Variants in PTPRD observed in about 807,000 individuals in gnomAD.
The protein encoded by PTPRD is receptor-type tyrosine-protein phosphatase delta.
Under a neutral mutation model 214.5 loss-of-function variants are expected in PTPRD, and 34 were observed. The ratio of observed to expected loss-of-function variants is 0.16; its 90% CI spans 0.12 to 0.21. PTPRD has a LOEUF of 0.21. Among genes scored for constraint, PTPRD ranks in the 10% least tolerant of loss-of-function variants. The pLI, the probability that PTPRD is intolerant of heterozygous loss-of-function variation, is 1.00. For missense variants in PTPRD, 2,545 were observed against 2,398.7 expected (o/e 1.06, Z -1.27); for synonymous variants, 1,128 against 845.7 (o/e 1.33, Z -5.79).
At chr9:9,913,485 T>G (rs781441460) in intron 5 of PTPRD, among the ~76,000 whole-genome samples, 5 of 151,920 alleles carry the variant, frequency 3.3e-5, no homozygotes, top group African/African-American at 9.7e-5. Context: ...AAGGACCAAG[T>G]TAATGAATAA....
chr9:8,766,063 T>C (rs2094715662), intron 11 of PTPRD, among the ~76,000 whole-genome samples: 2 of 151,874 alleles, frequency 1.3e-5, no homozygotes, highest in African/African-American at 2.4e-5. Flanking sequence ...TCTTGGTGGA[T>C]AGTCATTGGT....
chr9:9,616,618 G>C (rs1419186391), intron 7 of PTPRD, among the ~76,000 whole-genome samples: 1 of 152,020 alleles, frequency 6.6e-6, no homozygotes, highest in East Asian at 1.9e-4. Flanking sequence ...AGTTTTAAGA[G>C]ACCCCAAAAC....
intron 7 of PTPRD, among the ~76,000 whole-genome samples, chr9:9,622,140 G>C (rs2095264635): frequency 6.6e-6 from 1 of 152,144 alleles, no homozygotes; most frequent in Non-Finnish European, 1.5e-5. Flanking sequence ...TTATCAGATA[G>C]GCAATAAAAA....
At chr9:9,735,705 T>C (rs775553475) in intron 6 of PTPRD, among the ~76,000 whole-genome samples, 1 of 152,100 alleles carries the variant, frequency 6.6e-6, no homozygotes, top group Non-Finnish European at 1.5e-5. Context: ...TGTCATATTA[T>C]TAGAGACCTT....
At chr9:9,657,504 G>C (rs1456145283) in intron 7 of PTPRD, among the ~76,000 whole-genome samples, 1 of 152,140 alleles carries the variant, frequency 6.6e-6, no homozygotes, top group African/African-American at 2.4e-5. Flanking sequence ...TAATGTAAAT[G>C]ACGAGTTGAT....
At chr9:8,537,850 C>A (rs961786430) in intron 14 of PTPRD, among the ~76,000 whole-genome samples, 2 of 152,010 alleles carry the variant, frequency 1.3e-5, no homozygotes, top group Admixed American at 1.3e-4. Flanking sequence ...AGAACATAAA[C>A]CCCAGTTAGA....
chr9:10,033,171 T>TGA (rs1237745966), intron 4 of PTPRD, among the ~76,000 whole-genome samples: 1 of 150,986 alleles, frequency 6.6e-6, no homozygotes, highest in Admixed American at 6.6e-5. Context: ...AAAATATTTA[T>TGA]GAGAGAGAGA....
At chr9:8,939,916 G>T (rs1436969232) in intron 11 of PTPRD, among the ~76,000 whole-genome samples, 1 of 151,514 alleles carries the variant, frequency 6.6e-6, no homozygotes, top group East Asian at 1.9e-4. Context: ...GTTTTCTTTA[G>T]AAAAACATAA....
intron 10 of PTPRD, among the ~76,000 whole-genome samples, chr9:9,102,816 G>C (rs1441059700): frequency 6.6e-6 from 1 of 151,942 alleles, no homozygotes; most frequent in African/African-American, 2.4e-5. Context: ...CATGACACTT[G>C]GGAAAAAATA....
chr9:10,301,882 C>A (rs1381519358), intron 3 of PTPRD, among the ~76,000 whole-genome samples: 1 of 152,128 alleles, frequency 6.6e-6, no homozygotes, highest in Non-Finnish European at 1.5e-5. Flanking sequence ...ACCAACGTAG[C>A]AAGACAGGCC....
Position 8,783,342 on chromosome 9 carries a change from T to A in PTPRD, c.-103-49396A>T, listed in dbSNP as rs377211787. 6.6e-5 allele frequency among the ~76,000 whole-genome samples: 10 copies of A among 152,236 alleles called. No homozygotes were observed. In the East Asian group the frequency reaches 1.9e-3, roughly 29 times the overall value. On this transcript the variant is annotated intron_variant, in intron 11 of 45. Transcript: ENST00000381196. ...AGACTTTTCCTAGTATTAGTAACTTTCTGTATATCATAAAGTAACTGGTGT... is the reference window on the plus strand; with the variant it reads ...AGACTTTTCCTAGTATTAGTAACTTACTGTATATCATAAAGTAACTGGTGT...
chr9:10,143,317 T>C, intron 3 of PTPRD, among the ~76,000 whole-genome samples: 2 of 150,984 alleles, frequency 1.3e-5, no homozygotes, highest in Non-Finnish European at 3.0e-5. Flanking sequence ...TAAATGCTCA[T>C]TATCACTAAT....
chr9:9,378,927 A>C (rs188725666), intron 9 of PTPRD, among the ~76,000 whole-genome samples: 15 of 151,690 alleles, frequency 9.9e-5, no homozygotes, highest in African/African-American at 3.6e-4. Flanking sequence ...ATCCTTTGTA[A>C]ATATTTTCTT....
intron 7 of PTPRD, among the ~76,000 whole-genome samples, chr9:9,647,112 A>G (rs569263481): frequency 6.6e-6 from 1 of 152,180 alleles, no homozygotes; most frequent in East Asian, 1.9e-4. Flanking sequence ...TCTGTTGTTG[A>G]TGTCTAGGCT....
intron 4 of PTPRD, among the ~76,000 whole-genome samples, chr9:9,989,775 G>A (rs2095850128): frequency 2.0e-5 from 3 of 152,202 alleles, no homozygotes; most frequent in South Asian, 2.1e-4. Context: ...GGGCTCCAGG[G>A]GTCATGGGCA....
At chr9:10,091,326 G>A (rs1431373261) in intron 3 of PTPRD, among the ~76,000 whole-genome samples, 5 of 151,452 alleles carry the variant, frequency 3.3e-5, no homozygotes, top group Admixed American at 2.6e-4. Flanking sequence ...ATGTATCATT[G>A]AGAAGAGTTA....
rs141212898 is a variant in PTPRD at position 8,955,402 on chromosome 9, T to C, written c.-104+63295A>G. ...CCTTTGTGCTCAGACTATAAGCTCG[T>C]AGACTCAATTATTCTGGTATCACAG... is the stretch of plus-strand genomic sequence containing the variant. On this transcript the variant is annotated intron_variant, in intron 11 of 45. Coordinates refer to ENST00000381196, the MANE Select transcript of PTPRD (RefSeq NM_002839.4). Among the ~76,000 whole-genome samples the C allele has an allele frequency of 1.4e-3, 209 of 151,906 alleles. 1 individual carries two copies. Among genetic ancestry groups the C allele is most frequent in the South Asian group, 2.9e-3 (14 of 4,824 alleles).
chr9:10,054,342 A>G (rs952383152), intron 3 of PTPRD, among the ~76,000 whole-genome samples: 10 of 152,176 alleles, frequency 6.6e-5, no homozygotes, highest in African/African-American at 2.4e-4. Flanking sequence ...TGAGGACTAC[A>G]TAATCTATAA....
Position 10,446,009 on chromosome 9 carries a change from G to A in PTPRD, c.-599-104992C>T, listed in dbSNP as rs145605680. On this transcript the variant is annotated intron_variant, in intron 2 of 45. Coordinates refer to ENST00000381196, the MANE Select transcript of PTPRD (RefSeq NM_002839.4). ...GAAAAGGGCCCAGTGGAGAGGGCAA[G>A]ATCAAAGATTCAGTAAAGATTCTTA... Among the ~76,000 whole-genome samples, 12 of 152,128 alleles carry A rather than the reference G, an allele frequency of 7.9e-5. No individual in the cohort carries two copies. The East Asian group carries it at 2.3e-3, about 29-fold the overall frequency.
Sources: gnomAD v4.1 joint callset for allele counts (sites outside exome capture counted in the v4.1 genomes callset) on GRCh38, gnomAD v4.1.1 for gene constraint, MANE v1.5 for transcripts, NCBI Gene and HGNC (gene_info 2026-07-23, HGNC 2026-07-21) for gene names.